Variants in DOCK10 observed in about 807,000 individuals in gnomAD.
DOCK10 encodes dedicator of cytokinesis protein 10.
DOCK10 carries 145 observed loss-of-function variants against 280.1 expected under a neutral mutation model. That is an observed-to-expected ratio of 0.52 (90% CI 0.45 to 0.59). The LOEUF is 0.59. Among genes scored for constraint, DOCK10 ranks in the 20% least tolerant of loss-of-function variants. DOCK10 has a pLI of 0.00. For synonymous variants in DOCK10, 915 were observed against 942.2 expected, an observed-to-expected ratio of 0.97 and a Z score of 0.53; for missense variants, 2,368 against 2,651.7, an observed-to-expected ratio of 0.89 and a Z score of 2.35.
chr2:224,938,842 T>A (rs985697048), intron 1 of DOCK10, among the ~76,000 whole-genome samples: 2 of 152,094 alleles, frequency 1.3e-5, no homozygotes, highest in Non-Finnish European at 2.9e-5. Flanking sequence ...TCAGAGGGAG[T>A]TCCCCTGGAG....
chr2:224,900,762 A>G (rs1211430733), intron 3 of DOCK10, among the ~76,000 whole-genome samples: 1 of 152,256 alleles, frequency 6.6e-6, no homozygotes, highest in African/African-American at 2.4e-5. Context: ...TAAGCCCTCA[A>G]TAAGTACTTG....
In DOCK10 at chr2:224,915,396, A is replaced by AT. The variant is rs1189863653; in HGVS notation, c.333+1298dup. Reference sequence around the variant, plus strand: ...ATATCCTGATGTTATCTGAGTCTGCATTTTTTCTTTTTTCTATCTCCTTAA... The same window carrying AT: ...ATATCCTGATGTTATCTGAGTCTGCATTTTTTTCTTTTTTCTATCTCCTTAA... On this transcript the variant is annotated intron_variant, in intron 3 of 55. Coordinates refer to ENST00000258390, the MANE Select transcript of DOCK10 (RefSeq NM_014689.3). 3.9e-5 allele frequency among the ~76,000 whole-genome samples: 6 copies of AT among 152,208 alleles called. No individual in the cohort carries two copies. The East Asian group carries it at 7.7e-4, about 20-fold the overall frequency.
At chr2:224,892,070 A>C (rs1699698525) in intron 4 of DOCK10, among the ~76,000 whole-genome samples, 1 of 152,100 alleles carries the variant, frequency 6.6e-6, no homozygotes, top group Non-Finnish European at 1.5e-5. Context: ...ATTAAGCAGA[A>C]ATAAGATAAT....
At chr2:224,804,898 T>G (rs945106128) in intron 37 of DOCK10, 57 bp from the exon 38 acceptor site, 10 of 1,334,374 alleles carry the variant, frequency 7.5e-6, no homozygotes, top group Non-Finnish European at 1.0e-5. Context: ...TTATACAAAC[T>G]GTTCATCTAA....
At chr2:224,894,524 G>A (rs996565004) in intron 4 of DOCK10, among the ~76,000 whole-genome samples, 2 of 152,312 alleles carry the variant, frequency 1.3e-5, no homozygotes, top group East Asian at 3.9e-4. Context: ...AAGTCCTGAT[G>A]TTAAAAGATG....
chr2:224,971,701 T>C (rs1705095072), intron 1 of DOCK10, among the ~76,000 whole-genome samples: 2 of 152,240 alleles, frequency 1.3e-5, no homozygotes, highest in East Asian at 1.9e-4. Context: ...CTGGAAAACA[T>C]TTAACTAGTT....
chr2:225,027,544 C>G (rs879667294), intron 1 of DOCK10, among the ~76,000 whole-genome samples: 14 of 152,124 alleles, frequency 9.2e-5, no homozygotes, highest in Non-Finnish European at 1.3e-4. Context: ...ACCATCCGCC[C>G]TGGTACTGTG....
At chr2:224,801,256 C>G (rs1692972556) in intron 40 of DOCK10, among the ~76,000 whole-genome samples, 1 of 128,752 alleles carries the variant, frequency 7.8e-6, no homozygotes, top group Non-Finnish European at 1.6e-5. Context: ...CAAGAGACAA[C>G]TCTGCAGGGC....
chr2:224,886,364 T>C, intron 5 of DOCK10, 95 bp downstream of exon 5: 2 of 1,472,898 alleles, frequency 1.4e-6, no homozygotes, highest in Non-Finnish European at 1.9e-6. Context: ...CTACTACAGC[T>C]TACAACAAAC....
intron 1 of DOCK10, among the ~76,000 whole-genome samples, chr2:224,976,373 C>T (rs927052292): frequency 6.6e-6 from 1 of 152,182 alleles, no homozygotes; most frequent in African/African-American, 2.4e-5. Flanking sequence ...GCACGTTCTG[C>T]ACATGCATCC....
chr2:224,956,653 GC>G (rs1470548789), intron 1 of DOCK10, among the ~76,000 whole-genome samples: 20 of 142,002 alleles, frequency 1.4e-4, no homozygotes, highest in African/African-American at 5.2e-4. Flanking sequence ...AAAAAAAAGA[GC>G]ATCGAAGTGA....
At chr2:225,001,684 C>T (rs545019581) in intron 1 of DOCK10, among the ~76,000 whole-genome samples, 4 of 152,272 alleles carry the variant, frequency 2.6e-5, no homozygotes, top group African/African-American at 9.6e-5. Context: ...ATACCATAAC[C>T]TGGGTGGTTT....
At chr2:224,921,112 A>AAAAAAAAAAATATATATATATATATAT in intron 2 of DOCK10, among the ~76,000 whole-genome samples, 3 of 54,410 alleles carry the variant, frequency 5.5e-5, no homozygotes, top group Admixed American at 1.9e-4. Flanking sequence ...AAAAAAAAAA[A>AAAAAAAAAAATATATATATATATATAT]ATATATATAT....
chr2:224,859,956 C>G (rs987556470), intron 14 of DOCK10, among the ~76,000 whole-genome samples: 1 of 152,142 alleles, frequency 6.6e-6, no homozygotes, highest in Non-Finnish European at 1.5e-5. Context: ...TCCAAGTGGT[C>G]TGACATGGTA....
In DOCK10 at chr2:224,819,528, C is replaced by T. The variant is rs753305029; in HGVS notation, c.3185G>A (p.Arg1062His). The change falls in exon 29 of 56, where the codon CGC becomes CAC. Residue 1062 changes from arginine to histidine, a missense_variant and splice_region_variant. Transcript: ENST00000258390. ...CCCTCGGTCCATAAATGTAAAGCAG[C>T]GCTAAAATAGATAAAATTCTAAATT... ...ANHSVARFLK[R>H]CFTFMDRGYV... 18 of 1,575,884 alleles carry T rather than the reference C, an allele frequency of 1.1e-5. No homozygotes were observed. The highest frequency in any genetic ancestry group is 4.1e-5 in the African/African-American group (3 of 73,120).
chr2:224,847,260 G>A (rs1046243909), intron 19 of DOCK10, among the ~76,000 whole-genome samples: 3 of 152,166 alleles, frequency 2.0e-5, no homozygotes, highest in African/African-American at 7.2e-5. Flanking sequence ...ATTTTCCCCA[G>A]TAGCCTTGTG....
chr2:224,858,586 G>A (rs756276146), intron 14 of DOCK10, among the ~76,000 whole-genome samples: 4 of 152,192 alleles, frequency 2.6e-5, no homozygotes, highest in Admixed American at 2.0e-4. Flanking sequence ...CCTGGGGGGC[G>A]AAGGTTGCAG....
intron 1 of DOCK10, among the ~76,000 whole-genome samples, chr2:224,988,853 C>G (rs954502775): frequency 3.3e-5 from 5 of 152,170 alleles, no homozygotes; most frequent in Non-Finnish European, 5.9e-5. Context: ...GCAGCAGTGA[C>G]TTAACTGCCT....
In DOCK10 at chr2:224,924,391, A is replaced by T. The variant is rs530409431; in HGVS notation, c.243+7158T>A. On this transcript the variant is annotated intron_variant, in intron 2 of 55. Coordinates refer to ENST00000258390, the MANE Select transcript of DOCK10 (RefSeq NM_014689.3). ...ATCTCCCCAGCCCATGGCAACCACTAATCTCCTTTCTCTCTCTATGGATTT... is the reference window on the plus strand; with the variant it reads ...ATCTCCCCAGCCCATGGCAACCACTTATCTCCTTTCTCTCTCTATGGATTT... 3.2e-4 allele frequency among the ~76,000 whole-genome samples: 49 copies of T among 152,142 alleles called. No individual in the cohort carries two copies. The South Asian group carries it at 0.01, about 32-fold the overall frequency.
Sources: allele counts gnomAD v4.1 joint callset (sites outside exome capture counted in the v4.1 genomes callset), GRCh38; gene constraint gnomAD v4.1.1; transcripts MANE v1.5; gene names NCBI Gene and HGNC (gene_info 2026-07-23, HGNC 2026-07-21).